NLRP1: variants seen among roughly 807,000 people sequenced by gnomAD.
The protein encoded by NLRP1 is NLR family pyrin domain containing 1.
NLRP1 carries 94 observed loss-of-function variants against 136.7 expected under a neutral mutation model. That is an observed-to-expected ratio of 0.69 (90% CI 0.58 to 0.82). The LOEUF (loss-of-function observed/expected upper bound fraction) is 0.82, where lower values mean the gene tolerates loss of function less well. Ranked by LOEUF, NLRP1 falls within the 40% of genes least tolerant of loss-of-function variation. The pLI is 0.00. For missense variants in NLRP1, 1,575 were observed against 1,802.7 expected, an observed-to-expected ratio of 0.87 and a Z score of 2.29; for synonymous variants, 690 against 725.1, an observed-to-expected ratio of 0.95 and a Z score of 0.78.
At chr17:5,543,764 C>T (rs969695011) in intron 5 of NLRP1, among the ~76,000 whole-genome samples, 3 of 151,942 alleles carry the variant, frequency 2.0e-5, no homozygotes, top group Non-Finnish European at 4.4e-5. Context: ...GTCAGAGCAG[C>T]GACTTCGGGA....
In NLRP1 at chr17:5,514,580, CT is replaced by C. The variant is rs1232055521; in HGVS notation, c.*173del. On this transcript the variant is annotated 3_prime_UTR_variant, in exon 17 of 17. Transcript: ENST00000572272. Reference sequence around the variant, plus strand: ...GTTAGGCCACCTGGACTGGGGCCCCCTGTGGCATCCCTGGCATGGACACATA... The same window carrying C: ...GTTAGGCCACCTGGACTGGGGCCCCCGTGGCATCCCTGGCATGGACACATA... 4 of 1,442,266 alleles carry C rather than the reference CT, an allele frequency of 2.8e-6. No individual in the cohort carries two copies. The highest frequency in any genetic ancestry group is 3.6e-6 in the Non-Finnish European group (4 of 1,101,848). 89.3% of individuals were successfully genotyped at this position (1,442,266 alleles called of 1,614,324 possible). A position where few individuals can be genotyped will look rare whatever the true frequency, so the allele number is the denominator to read the frequency against.
intron 5 of NLRP1, among the ~76,000 whole-genome samples, chr17:5,552,851 T>G (rs1260332484): frequency 6.6e-6 from 1 of 152,246 alleles, no homozygotes; most frequent in Non-Finnish European, 1.5e-5. Flanking sequence ...CCTCTACTTT[T>G]GCACTCTTCC....
At position 5,559,275 on chromosome 17, in the gene NLRP1, C is replaced by G; in HGVS notation, c.1421G>C (p.Arg474Pro). Residue 474 changes from arginine to proline, a missense_variant, in exon 4 of 17, where the codon CGT (arginine) becomes CCT (proline). Transcript: ENST00000572272. ...QNLIPSLEQA[R>P]WVEVLGFSES... ...AGAGAACCCCAGGACCTCTACCCAACGTGCCTGCTCCAAAGAAGGAATGAG... is the reference window on the plus strand; with the variant it reads ...AGAGAACCCCAGGACCTCTACCCAAGGTGCCTGCTCCAAAGAAGGAATGAG... 6.2e-7 allele frequency: 1 copy of G among 1,614,174 alleles called. No individual in the cohort carries two copies. Among genetic ancestry groups the G allele is most frequent in the Non-Finnish European group, 8.5e-7 (1 of 1,180,014 alleles).
intron 3 of NLRP1, among the ~76,000 whole-genome samples, chr17:5,574,008 C>T (rs538048619): frequency 1.6e-4 from 25 of 152,234 alleles, no homozygotes; most frequent in Admixed American, 5.2e-4. Flanking sequence ...CAAACTTCTC[C>T]GAGCTAAAGG....
chr17:5,508,658 AT>A (rs1295401554), intron 15 of NLRP1, among the ~76,000 whole-genome samples: 1 of 152,236 alleles, frequency 6.6e-6, no homozygotes, highest in East Asian at 1.9e-4. Flanking sequence ...TAAATGATAT[AT>A]CTACTGCAAG....
Position 5,541,452 on chromosome 17 carries a change from C to A in NLRP1, c.2699+405G>T, listed in dbSNP as rs186195605. Among the ~76,000 whole-genome samples the A allele has an allele frequency of 6.6e-6, 1 of 152,274 alleles. No homozygotes were observed. Among genetic ancestry groups the A allele is most frequent in the Non-Finnish European group, 1.5e-5 (1 of 68,028 alleles). On this transcript the variant is annotated intron_variant, in intron 6 of 16. Transcript: ENST00000572272. The surrounding 1 kb of genome is among the most constrained non-coding windows in gnomAD (Gnocchi z 4.2). ...CAGCTCTCCATGGCAGAACCCCATG[C>A]CAAGTAAGAGGACCTGTTACTAGGC...
At chr17:5,515,664 C>G (rs1908010776) in intron 15 of NLRP1, 147 bp from the exon 16 acceptor site, 5 of 690,638 alleles carry the variant, frequency 7.2e-6, no homozygotes, top group Non-Finnish European at 1.3e-5. Context: ...GGAGTAAGAG[C>G]TGGAAGGGTC....
At chr17:5,552,591 T>C (rs572414236) in intron 5 of NLRP1, among the ~76,000 whole-genome samples, 1 of 152,322 alleles carries the variant, frequency 6.6e-6, no homozygotes, top group South Asian at 2.1e-4. Context: ...GTTGCTTTGG[T>C]CAGAAACCTA....
At chr17:5,514,044 T>C (rs1216694395), downstream of NLRP1, 1 of 152,096 alleles carries the variant, frequency 6.6e-6, no homozygotes, top group Non-Finnish European at 1.5e-5. Context: ...AATAATCCAC[T>C]CCTTGTTTAG....
At chr17:5,521,409 T>C in intron 13 of NLRP1, 115 bp downstream of exon 13, 2 of 1,101,234 alleles carry the variant, frequency 1.8e-6, no homozygotes, top group Middle Eastern at 3.1e-4. Context: ...AAGGTTCTCC[T>C]GTACAAGAGG....
intron 12 of NLRP1, chr17:5,529,758 CTT>C (rs879549965): frequency 7.5e-4 from 147 of 195,706 alleles, no homozygotes; most frequent in South Asian, 2.3e-3. Context: ...TTTAAGGTTA[CTT>C]TTTTTTTTTT....
intron 5 of NLRP1, among the ~76,000 whole-genome samples, chr17:5,545,280 C>G (rs1567650041): frequency 1.3e-5 from 2 of 151,948 alleles, no homozygotes; most frequent in Admixed American, 6.6e-5. Context: ...TGCACTCCAG[C>G]TTAGGTGACA....
At chr17:5,524,348 T>C (rs927895941) in intron 12 of NLRP1, among the ~76,000 whole-genome samples, 1 of 152,262 alleles carries the variant, frequency 6.6e-6, no homozygotes, top group Non-Finnish European at 1.5e-5. Context: ...CCACAGTATA[T>C]GATCCCTGCT....
chr17:5,551,382 ATAATAGTCCATTGTC>A (rs1913338854), intron 5 of NLRP1, among the ~76,000 whole-genome samples: 1 of 152,214 alleles, frequency 6.6e-6, no homozygotes, highest in African/African-American at 2.4e-5. Flanking sequence ...TTAGCATTGA[ATAATAGTCCATTGTC>A]TGTTTGTACC....
Position 5,558,903 on chromosome 17 carries a change from C to T in NLRP1, c.1793G>A (p.Gly598Glu), listed in dbSNP as rs776853587. The change falls in exon 4 of 17, where the codon GGG (glycine) becomes GAG (glutamate). Residue 598 changes from glycine to glutamate, a missense_variant. Physicochemically the swap from Gly to Glu is moderately conservative, Grantham distance 98. Transcript: ENST00000572272. ...CTTCAAGAAGGTGGAGATGATGGCC[C>T]CATCTAACCCATGCTTCCTGAGGTC... ...PDDLRKHGLD[G>E]AIISTFLKMG... 6.2e-7 allele frequency: 1 copy of T among 1,614,084 alleles called. No individual in the cohort carries two copies. Among genetic ancestry groups the T allele is most frequent in the Non-Finnish European group, 8.5e-7 (1 of 1,180,002 alleles).
At chr17:5,549,456 T>C (rs921310532) in intron 5 of NLRP1, among the ~76,000 whole-genome samples, 8 of 151,852 alleles carry the variant, frequency 5.3e-5, no homozygotes, top group African/African-American at 1.9e-4. Flanking sequence ...TATTTTGTAG[T>C]TTTGGTAGAG....
chr17:5,561,278 C>T (rs1914709818), intron 3 of NLRP1, among the ~76,000 whole-genome samples: 1 of 152,218 alleles, frequency 6.6e-6, no homozygotes, highest in Non-Finnish European at 1.5e-5. Context: ...TGGTCTCAAA[C>T]TCCTGACCTC....
chr17:5,574,350 C>T (rs1015363476), intron 3 of NLRP1, among the ~76,000 whole-genome samples: 48 of 152,212 alleles, frequency 3.2e-4, no homozygotes, highest in Admixed American at 1.7e-3. Context: ...CTGAAAGTGA[C>T]GGGGAGAATG....
In NLRP1 at chr17:5,560,429, G is replaced by GT. The variant is rs141431111; in HGVS notation, c.653-387dup. On this transcript the variant is annotated intron_variant, in intron 3 of 16. Coordinates refer to ENST00000572272, the MANE Select transcript of NLRP1 (RefSeq NM_033004.4). The stretch of plus-strand genomic sequence containing the variant: ...CTCATCTGTAAGCTGGGGGTTGTAG[G>GT]TCATGGAGGACTGGAGGAGACACTG... Among the ~76,000 whole-genome samples the GT allele has an allele frequency of 9.7e-3, 1,471 of 152,300 alleles. 27 individuals are homozygous for GT. The highest frequency in any genetic ancestry group is 0.032 in the African/African-American group (1,346 of 41,552).
Sources: allele counts gnomAD v4.1 joint callset (sites outside exome capture counted in the v4.1 genomes callset), GRCh38; gene constraint gnomAD v4.1.1; non-coding constraint Gnocchi (gnomAD v3.1); transcripts MANE v1.5; gene names NCBI Gene and HGNC (gene_info 2026-07-23, HGNC 2026-07-21).